Variants in LHFPL6 observed in about 807,000 individuals in gnomAD.
LHFPL6 encodes LHFPL tetraspan subfamily member 6.
Under a neutral mutation model 20.6 loss-of-function variants are expected in LHFPL6, and 9 were observed. That is an observed-to-expected ratio of 0.44 (90% CI 0.26 to 0.76). The LOEUF is 0.76. LHFPL6 is among the 30% of genes least tolerant of loss of function. The pLI, the probability that LHFPL6 is intolerant of heterozygous loss-of-function variation, is 0.20. For missense variants in LHFPL6, 218 were observed against 253.5 expected, an observed-to-expected ratio of 0.86 and a Z score of 0.95; for synonymous variants, 105 against 98.7, an observed-to-expected ratio of 1.06 and a Z score of -0.38.
chr13:39,523,191 C>T (rs1460029806), intron 2 of LHFPL6, among the ~76,000 whole-genome samples: 1 of 152,170 alleles, frequency 6.6e-6, no homozygotes, highest in Non-Finnish European at 1.5e-5. Flanking sequence ...CATGTGGTCT[C>T]TGTTAACTCT....
chr13:39,529,419 T>A lies in LHFPL6; in HGVS notation c.385+71413A>T, dbSNP rs190220170. 5.6e-4 allele frequency among the ~76,000 whole-genome samples: 86 copies of A among 152,338 alleles called. 1 individual carries two copies. The highest frequency in any genetic ancestry group is 5.6e-3 in the Admixed American group (85 of 15,300). ...ATTCCCTTATTTCTATCTAAATATATTTAATGACAGAGATCTTGAGTGCAT... is the reference window on the plus strand; with the variant it reads ...ATTCCCTTATTTCTATCTAAATATAATTAATGACAGAGATCTTGAGTGCAT... On this transcript the variant is annotated intron_variant, in intron 2 of 3. Transcript: ENST00000379589.
chr13:39,383,208 A>G (rs1870486193), intron 2 of LHFPL6, among the ~76,000 whole-genome samples: 1 of 152,186 alleles, frequency 6.6e-6, no homozygotes, highest in Admixed American at 6.6e-5. Flanking sequence ...TCATATAGTC[A>G]TTGTAACAAG....
chr13:39,523,248 A>C (rs1374663738), intron 2 of LHFPL6, among the ~76,000 whole-genome samples: 1 of 152,150 alleles, frequency 6.6e-6, no homozygotes, highest in African/African-American at 2.4e-5. Context: ...AAACTCAGTA[A>C]ACACCGACAA....
intron 2 of LHFPL6, among the ~76,000 whole-genome samples, chr13:39,567,256 T>A (rs931079442): frequency 6.6e-6 from 1 of 152,204 alleles, no homozygotes; most frequent in Non-Finnish European, 1.5e-5. Context: ...AAATTTCTTA[T>A]AAAATCTCAA....
chr13:39,463,044 G>A (rs1301897960), intron 2 of LHFPL6, among the ~76,000 whole-genome samples: 1 of 152,188 alleles, frequency 6.6e-6, no homozygotes, highest in Non-Finnish European at 1.5e-5. Context: ...CCGCATGGCT[G>A]TAGTCTTCCT....
chr13:39,569,148 T>TGGATGGATGGACGGACGGACGGAC (rs71080313), intron 2 of LHFPL6, among the ~76,000 whole-genome samples: 60 of 144,498 alleles, frequency 4.2e-4, no homozygotes, highest in South Asian at 1.1e-3. Flanking sequence ...GATGGATGGA[T>TGGATGGATGGACGGACGGACGGAC]GGACGGACGG....
intron 2 of LHFPL6, among the ~76,000 whole-genome samples, chr13:39,555,408 T>A (rs1313266199): frequency 6.6e-6 from 1 of 152,128 alleles, no homozygotes; most frequent in Non-Finnish European, 1.5e-5. Flanking sequence ...CGCTTTCTTT[T>A]AGGCACATAT....
At chr13:39,403,524 C>T (rs1871042051) in intron 2 of LHFPL6, among the ~76,000 whole-genome samples, 2 of 152,146 alleles carry the variant, frequency 1.3e-5, no homozygotes, top group African/African-American at 4.8e-5. Context: ...ATCAAGGAAA[C>T]GTGCTATAAA....
chr13:39,422,115 C>T (rs1871507533), intron 2 of LHFPL6, among the ~76,000 whole-genome samples: 1 of 152,120 alleles, frequency 6.6e-6, no homozygotes, highest in African/African-American at 2.4e-5. Context: ...ATTTAAACAT[C>T]CAATTGTTCT....
At chr13:39,432,259 T>A (rs1218169648) in intron 2 of LHFPL6, among the ~76,000 whole-genome samples, 2 of 152,218 alleles carry the variant, frequency 1.3e-5, no homozygotes, top group Non-Finnish European at 2.9e-5. Flanking sequence ...TTAAGACACA[T>A]CCAATACAGT....
At chr13:39,487,422 T>C (rs890179027) in intron 2 of LHFPL6, among the ~76,000 whole-genome samples, 2 of 152,190 alleles carry the variant, frequency 1.3e-5, no homozygotes, top group Non-Finnish European at 2.9e-5. Flanking sequence ...CTAAGTGACC[T>C]TGGCTAAAGC....
intron 2 of LHFPL6, among the ~76,000 whole-genome samples, chr13:39,575,492 T>A (rs939008182): frequency 6.6e-6 from 1 of 152,214 alleles, no homozygotes; most frequent in African/African-American, 2.4e-5. Context: ...TAGTCACAAC[T>A]CCTTGCTAAT....
intron 2 of LHFPL6, among the ~76,000 whole-genome samples, chr13:39,499,816 T>G (rs1193217135): frequency 6.6e-6 from 1 of 152,266 alleles, no homozygotes; most frequent in Non-Finnish European, 1.5e-5. Flanking sequence ...TGGTCTTCAG[T>G]AACTTGAGCC....
intron 2 of LHFPL6, among the ~76,000 whole-genome samples, chr13:39,589,806 A>G (rs951222755): frequency 1.3e-5 from 2 of 152,254 alleles, no homozygotes; most frequent in Non-Finnish European, 2.9e-5. Flanking sequence ...TTTAAAAGAC[A>G]GTATGCTTGC....
intron 2 of LHFPL6, among the ~76,000 whole-genome samples, chr13:39,418,247 C>T (rs1181768558): frequency 1.3e-5 from 2 of 151,922 alleles, no homozygotes; most frequent in Non-Finnish European, 2.9e-5. Context: ...GAAAAAAATG[C>T]TGCAGGGATT....
intron 2 of LHFPL6, among the ~76,000 whole-genome samples, chr13:39,495,179 T>G (rs747940258): frequency 6.6e-6 from 1 of 152,236 alleles, no homozygotes; most frequent in Non-Finnish European, 1.5e-5. Flanking sequence ...ATTTTCCAAG[T>G]ACATTCGCTA....
At position 39,402,527 on chromosome 13, in the gene LHFPL6, G is replaced by T. The variant is rs560014738; in HGVS notation, c.386-24001C>A. Among the ~76,000 whole-genome samples the T allele has an allele frequency of 2.5e-3, 375 of 152,274 alleles. 1 individual carries two copies. Among genetic ancestry groups the T allele is most frequent in the Non-Finnish European group, 3.7e-3 (249 of 68,014 alleles). ...TTATAGGCATGAGCCACTGTGCCTG[G>T]CCCTTTTTGCTTTTTTAAATATAGA... On this transcript the variant is annotated intron_variant, in intron 2 of 3. Coordinates refer to ENST00000379589, the MANE Select transcript of LHFPL6 (RefSeq NM_005780.3).
chr13:39,548,160 A>G (rs1288354193), intron 2 of LHFPL6, among the ~76,000 whole-genome samples: 1 of 133,662 alleles, frequency 7.5e-6, no homozygotes, highest in African/African-American at 3.2e-5. Context: ...GTTAAACAGA[A>G]TATTATGAAA....
rs1869300642 is a variant in LHFPL6, at chr13:39,343,424, G to C, written c.*512C>G. ...ACGTTTGTGCATAGGCGTGTGTGGG[G>C]ATGCATATGTCTGTATGTGCTTGTG... On this transcript the variant is annotated 3_prime_UTR_variant, in exon 4 of 4. Coordinates refer to ENST00000379589, the MANE Select transcript of LHFPL6 (RefSeq NM_005780.3). 1 of 232,626 alleles carries C rather than the reference G, an allele frequency of 4.3e-6. No homozygotes were observed. The highest frequency in any genetic ancestry group is 8.5e-6 in the Non-Finnish European group (1 of 117,430). The allele number at this position is 232,626 out of a possible 1,614,324, so 14.4% of individuals were successfully genotyped here.
Sources: gnomAD v4.1 joint callset for allele counts (sites outside exome capture counted in the v4.1 genomes callset) on GRCh38, gnomAD v4.1.1 for gene constraint, MANE v1.5 for transcripts, NCBI Gene and HGNC (gene_info 2026-07-23, HGNC 2026-07-21) for gene names.